The following AFF1 variants were observed in gnomAD, a reference collection of about 807,000 sequenced individuals.
AFF1 encodes the protein AF4/FMR2 family member 1.
In AFF1, 48 loss-of-function variants were observed where a neutral mutation model predicts 121.7. The observed-to-expected ratio is 0.39, with a 90% CI of 0.31 to 0.50. The LOEUF is 0.50. AFF1 is among the 20% of genes least tolerant of loss of function. The pLI is 0.76. For synonymous variants in AFF1, 613 were observed against 563.0 expected, an observed-to-expected ratio of 1.09 and a Z score of -1.26; for missense variants, 1,523 against 1,511.7, an observed-to-expected ratio of 1.01 and a Z score of -0.12.
chr4:87,069,967 T>C (rs1338346006), intron 4 of AFF1, among the ~76,000 whole-genome samples: 1 of 151,994 alleles, frequency 6.6e-6, no homozygotes, highest in African/African-American at 2.4e-5. Flanking sequence ...ATTACAGGCG[T>C]GTGCCACAAC....
intron 1 of AFF1, chr4:86,936,041 C>G (rs1041091362): frequency 6.6e-6 from 1 of 152,110 alleles, no homozygotes; most frequent in Non-Finnish European, 1.5e-5. Context: ...GCGGGCGGTT[C>G]GATACCGTCC....
At chr4:87,043,362 A>G (rs1007273506) in intron 2 of AFF1, among the ~76,000 whole-genome samples, 6 of 152,216 alleles carry the variant, frequency 3.9e-5, no homozygotes, top group Non-Finnish European at 8.8e-5. Context: ...TTGGGAGAAT[A>G]GAAGCTTAGA....
In AFF1 at chr4:87,126,332, A is replaced by C; in HGVS notation, c.2807A>C (p.His936Pro). 6.2e-7 allele frequency: 1 copy of C among 1,613,912 alleles called. No homozygotes were observed. Among genetic ancestry groups the C allele is most frequent in the Non-Finnish European group, 8.5e-7 (1 of 1,179,784 alleles). Reference protein sequence around the residue: ...EGKGSRSSSEHKGSSGDTANP... With the variant: ...EGKGSRSSSEPKGSSGDTANP... The stretch of plus-strand genomic sequence containing the variant: ...AAGGGCTCCAGAAGCTCCTCGGAGC[A>C]CAAGGTGAGCAGGGGCGGCGGTCAC... The change falls in exon 14 of 21, where the codon CAC (histidine) becomes CCC (proline). Residue 936 changes from histidine to proline, a missense_variant. Coordinates refer to ENST00000395146, the MANE Select transcript of AFF1 (RefSeq NM_001166693.3).
At chr4:87,020,688 G>A (rs1443513648) in intron 2 of AFF1, 3 of 553,298 alleles carry the variant, frequency 5.4e-6, no homozygotes, top group East Asian at 2.9e-4. Flanking sequence ...GTTTCACTGT[G>A]TTAGCCAGGA....
chr4:86,952,268 A>T (rs1399544880), intron 2 of AFF1, among the ~76,000 whole-genome samples: 1 of 152,198 alleles, frequency 6.6e-6, no homozygotes, highest in Non-Finnish European at 1.5e-5. Flanking sequence ...GGAATTCATC[A>T]GTTAGAGTTG....
intron 2 of AFF1, among the ~76,000 whole-genome samples, chr4:87,040,122 C>T (rs1183103293): frequency 1.3e-5 from 2 of 152,112 alleles, no homozygotes; most frequent in South Asian, 4.1e-4. Flanking sequence ...AAACCCCTGA[C>T]GACCTCAGGT....
intron 13 of AFF1, 96 bp from the exon 14 acceptor site, chr4:87,126,003 T>A: frequency 8.2e-7 from 1 of 1,224,374 alleles, no homozygotes; most frequent in South Asian, 1.3e-5. Context: ...TGTGATACCC[T>A]ACTCTTTTGT....
intron 16 of AFF1, 118 bp downstream of exon 16, chr4:87,127,821 G>A (rs529394011): frequency 9.9e-7 from 1 of 1,012,710 alleles, no homozygotes; most frequent in African/African-American, 1.6e-5. Context: ...GGAAGGAGGG[G>A]GTGCAGCAGG....
At chr4:87,056,777 G>A (rs1720183929) in intron 4 of AFF1, among the ~76,000 whole-genome samples, 1 of 152,208 alleles carries the variant, frequency 6.6e-6, no homozygotes, top group Non-Finnish European at 1.5e-5. Flanking sequence ...ATCAGTATGA[G>A]CAAGGTAATA....
intron 2 of AFF1, among the ~76,000 whole-genome samples, chr4:86,967,112 A>G (rs1459299596): frequency 1.3e-5 from 2 of 152,184 alleles, no homozygotes; most frequent in African/African-American, 2.4e-5. Context: ...TGTCAGTGCT[A>G]TCAGGGAAAT....
intron 2 of AFF1, among the ~76,000 whole-genome samples, chr4:86,975,572 G>A (rs919733631): frequency 3.3e-5 from 5 of 152,094 alleles, no homozygotes; most frequent in Non-Finnish European, 5.9e-5. Context: ...TCTTTATTTG[G>A]TTTCAGTCCA....
At position 86,949,606 on chromosome 4, in the gene AFF1, C is replaced by T. The variant is rs1334482928; in HGVS notation, c.38+1035C>T. On this transcript the variant is annotated intron_variant, in intron 2 of 20. Transcript: ENST00000395146. ...TTCCGGGTGCTGGAGAGCTGTGGGC[C>T]CCACTCCTCCCCCAGAATGCCACCG... The T allele has an allele frequency of 5.8e-5, 78 of 1,339,434 alleles. 1 individual carries two copies. Among genetic ancestry groups the T allele is most frequent in the Non-Finnish European group, 7.5e-5 (73 of 970,246 alleles). The allele number at this position is 1,339,434 out of a possible 1,614,324, so 83.0% of individuals were successfully genotyped here.
chr4:86,997,527 C>T (rs1216473898), intron 2 of AFF1, among the ~76,000 whole-genome samples: 1 of 151,910 alleles, frequency 6.6e-6, no homozygotes, highest in African/African-American at 2.4e-5. Flanking sequence ...CTTTGGGAGG[C>T]CGAGGCAGGT....
chr4:87,127,412 C>T (rs1728389875), intron 15 of AFF1, among the ~76,000 whole-genome samples: 2 of 152,178 alleles, frequency 1.3e-5, no homozygotes, highest in Non-Finnish European at 1.5e-5. Flanking sequence ...ATCCGCCTGC[C>T]TCGGCCTCCC....
chr4:87,037,029 A>C (rs1729637486), intron 2 of AFF1, among the ~76,000 whole-genome samples: 1 of 152,166 alleles, frequency 6.6e-6, no homozygotes. Context: ...AGATGGATCT[A>C]AAATTACTTG....
intron 4 of AFF1, among the ~76,000 whole-genome samples, chr4:87,059,625 C>T (rs1560584592): frequency 6.6e-6 from 1 of 152,198 alleles, no homozygotes; most frequent in Non-Finnish European, 1.5e-5. Context: ...CAGTACCTCT[C>T]CATCACCTTC....
Position 87,084,460 on chromosome 4 carries a change from A to C in AFF1, c.1104+296A>C, listed in dbSNP as rs188643617. 3.0e-4 allele frequency among the ~76,000 whole-genome samples: 46 copies of C among 152,020 alleles called. 1 individual carries two copies. The highest frequency in any genetic ancestry group is 1.1e-3 in the African/African-American group (46 of 41,468). On this transcript the variant is annotated intron_variant, in intron 5 of 20. Transcript: ENST00000395146. ...CAGGAGGCTGAGTCAGGCCTCCTGA[A>C]CTCGATTGAACCCGAGAGGTGGAGG...
intron 4 of AFF1, among the ~76,000 whole-genome samples, chr4:87,070,150 T>C (rs1345769777): frequency 6.6e-6 from 1 of 152,210 alleles, no homozygotes; most frequent in South Asian, 2.1e-4. Context: ...ATTACAGGCC[T>C]GCGCCACCAC....
chr4:87,107,840 G>A (rs1457806027), intron 10 of AFF1, among the ~76,000 whole-genome samples: 1 of 152,172 alleles, frequency 6.6e-6, no homozygotes, highest in Admixed American at 6.5e-5. Context: ...AAAGCAGGCA[G>A]CCAGCCTAGG....
Sources: gnomAD v4.1 joint callset for allele counts (sites outside exome capture counted in the v4.1 genomes callset) on GRCh38, gnomAD v4.1.1 for gene constraint, MANE v1.5 for transcripts, NCBI Gene and HGNC (gene_info 2026-07-23, HGNC 2026-07-21) for gene names.